XDH: variants seen among roughly 807,000 people sequenced by gnomAD.
XDH encodes the protein xanthine dehydrogenase, also known as xanthine dehydrogenase/oxidase.
A neutral mutation model predicts 156.1 loss-of-function variants in XDH; 138 were observed. The observed-to-expected ratio is 0.88, with a 90% CI of 0.77 to 1.02. XDH has a LOEUF of 1.02. Among genes scored for constraint, XDH ranks in the 50% least tolerant of loss-of-function variants. The probability of loss-of-function intolerance (pLI) is 0.00; values close to 1 mark genes in which losing one functional copy is unlikely to be tolerated. For synonymous variants in XDH, 669 were observed against 625.7 expected, an observed-to-expected ratio of 1.07 and a Z score of -1.03; for missense variants, 1,849 against 1,684.9, an observed-to-expected ratio of 1.10 and a Z score of -1.71.
Position 31,375,533 on chromosome 2 carries a change from C to T in XDH, c.1449G>A (p.Leu483=). The T allele has an allele frequency of 1.2e-6, 2 of 1,613,744 alleles. No individual in the cohort carries two copies. The highest frequency in any genetic ancestry group is 2.2e-5 in the South Asian group (2 of 91,074). The change falls in exon 15 of 36, where the codon CTG becomes CTA. Residue 483 remains leucine (L), a synonymous_variant. Coordinates refer to ENST00000379416, the MANE Select transcript of XDH (RefSeq NM_000379.4). ...QLSKLWKEEL[L]QDVCAGLAEE... ...CTGCCAGTCCTGCACACACGTCCTG[C>T]AGCAGCTCCTCCTTCCAGAGCCTGC... is the stretch of plus-strand genomic sequence containing the variant.
At position 31,390,830 on chromosome 2, in the gene XDH, T is replaced by C. The variant is rs1686741565; in HGVS notation, c.496-2535A>G. On this transcript the variant is annotated intron_variant, in intron 6 of 35. Coordinates refer to ENST00000379416, the MANE Select transcript of XDH (RefSeq NM_000379.4). ...TGGTGAGGTAGCTGTGCAGGTCTTT[T>C]ACCCATTTTTTAATTTAGTTGTTCA... 3.3e-5 allele frequency among the ~76,000 whole-genome samples: 5 copies of C among 152,364 alleles called. No homozygotes were observed. In the South Asian group the frequency reaches 1.0e-3, roughly 32 times the overall value.
In XDH at chr2:31,366,941, T is replaced by C. The variant is rs1685929995; in HGVS notation, c.2251A>G (p.Ile751Val). 1.2e-6 allele frequency: 2 copies of C among 1,614,256 alleles called. No individual in the cohort carries two copies. The highest frequency in any genetic ancestry group is 1.7e-6 in the Non-Finnish European group (2 of 1,180,040). Residue 751 changes from isoleucine to valine, a missense_variant, in exon 21 of 36, where the codon ATT (isoleucine) becomes GTT (valine). Physicochemically the swap from Ile to Val is conservative, Grantham distance 29. Coordinates refer to ENST00000379416, the MANE Select transcript of XDH (RefSeq NM_000379.4). ...EHFYLETHCT[I>V]AVPKGEAGEM... ...CCTGCCTCGCCTTTTGGAACAGCAA[T>C]GGTGCAGTGAGTCTCCAGGTAGAAG... is the stretch of plus-strand genomic sequence containing the variant.
At chr2:31,339,405 T>C in intron 34 of XDH, 84 bp downstream of exon 34, 6 of 1,568,882 alleles carry the variant, frequency 3.8e-6, no homozygotes, top group Non-Finnish European at 5.3e-6. Flanking sequence ...TCCCACCAGG[T>C]GGGTCACTGA....
At chr2:31,339,997 T>G (rs1685082068) in intron 33 of XDH, among the ~76,000 whole-genome samples, 1 of 152,212 alleles carries the variant, frequency 6.6e-6, no homozygotes, top group Admixed American at 6.5e-5. Flanking sequence ...GAGCCAAAGC[T>G]AAGAAGCAAG....
intron 3 of XDH, among the ~76,000 whole-genome samples, 187 bp from the exon 4 acceptor site, chr2:31,401,515 C>T (rs1204804702): frequency 6.6e-6 from 1 of 152,216 alleles, no homozygotes; most frequent in Non-Finnish European, 1.5e-5. Flanking sequence ...ACAAAGGAAG[C>T]TCTCCTTATA....
chr2:31,346,917 C>T, intron 29 of XDH, 74 bp from the exon 30 acceptor site: 1 of 1,592,158 alleles, frequency 6.3e-7, no homozygotes. Flanking sequence ...ACCCGAGGGC[C>T]CCAGCAAGGC....
At chr2:31,367,600 T>C (rs1558689247) in intron 20 of XDH, among the ~76,000 whole-genome samples, 1 of 152,022 alleles carries the variant, frequency 6.6e-6, no homozygotes, top group Non-Finnish European at 1.5e-5. Context: ...TAGTTGAAGA[T>C]GGGTAAGGAC....
In XDH at chr2:31,373,916, A is replaced by G. The variant is rs764170039; in HGVS notation, c.1643T>C (p.Leu548Ser). 2 of 1,613,910 alleles carry G rather than the reference A, an allele frequency of 1.2e-6. No individual in the cohort carries two copies. Among genetic ancestry groups the G allele is most frequent in the African/African-American group, 2.7e-5 (2 of 74,924 alleles). ...KLDPTFASATLLFQKDPPADV... is the reference protein window; with the variant it reads ...KLDPTFASATSLFQKDPPADV... ...GGCTGGGGGGTCTTTCTGAAACAGTAAAGTTGCACTGGCGAAAGTGGGGTC... is the reference window on the plus strand; with the variant it reads ...GGCTGGGGGGTCTTTCTGAAACAGTGAAGTTGCACTGGCGAAAGTGGGGTC... The change falls in exon 16 of 36, where the codon TTA becomes TCA. Residue 548 changes from leucine to serine, a missense_variant. Physicochemically the swap from Leu to Ser is moderately radical, Grantham distance 145. Transcript: ENST00000379416.
chr2:31,344,723 T>C lies in XDH; in HGVS notation c.3365A>G (p.Tyr1122Cys), dbSNP rs1685233892. The change falls in exon 31 of 36, where the codon TAC (tyrosine) becomes TGC (cysteine). Residue 1122 changes from tyrosine (Y) to cysteine (C), a missense_variant. Tyr to Cys is a radical substitution (Grantham distance 194, BLOSUM62 -2). Transcript: ENST00000379416. ...GSWEDWVTAAYMDTVSLSATG... is the reference protein window; with the variant it reads ...GSWEDWVTAACMDTVSLSATG... ...GGCAGACAAGCTCACTGTGTCCATG[T>C]AGGCAGCTGTGACCTGAGGAGAGGA... is the stretch of plus-strand genomic sequence containing the variant. The C allele has an allele frequency of 1.2e-6, 2 of 1,614,128 alleles. No homozygotes were observed. Among genetic ancestry groups the C allele is most frequent in the Non-Finnish European group, 1.7e-6 (2 of 1,180,006 alleles).
At chr2:31,354,831 G>A (rs1179021330) in intron 24 of XDH, among the ~76,000 whole-genome samples, 1 of 152,090 alleles carries the variant, frequency 6.6e-6, no homozygotes, top group East Asian at 1.9e-4. Flanking sequence ...TTGGAGATCT[G>A]GAAGAAAAGG....
In XDH at chr2:31,381,854, T is replaced by G. The variant is rs946408197; in HGVS notation, c.1039-128A>C. 226 of 797,590 alleles carry G rather than the reference T, an allele frequency of 2.8e-4. 1 individual carries two copies. In the African/African-American group the frequency reaches 2.9e-3, roughly 10 times the overall value. The allele number at this position is 797,590 out of a possible 1,614,324, so 49.4% of individuals were successfully genotyped here. On this transcript the variant is annotated intron_variant, in intron 11 of 35. Coordinates refer to ENST00000379416, the MANE Select transcript of XDH (RefSeq NM_000379.4). ...AACCCCTGAGGTCCTGTGCCTACTGTAGTCACAATACCAGCATAGTGAGAA... is the reference window on the plus strand; with the variant it reads ...AACCCCTGAGGTCCTGTGCCTACTGGAGTCACAATACCAGCATAGTGAGAA...
intron 14 of XDH, 31 bp from the exon 15 acceptor site, chr2:31,375,585 C>T: frequency 1.2e-6 from 2 of 1,607,716 alleles, no homozygotes; most frequent in Non-Finnish European, 1.7e-6. Flanking sequence ...GGACAGCGCT[C>T]CCGCCCAGCC....
intron 12 of XDH, among the ~76,000 whole-genome samples, 192 bp downstream of exon 12, chr2:31,381,441 A>T (rs546227826): frequency 7.7e-4 from 117 of 152,324 alleles, no homozygotes; most frequent in African/African-American, 2.7e-3. Flanking sequence ...CCTGCTGTGA[A>T]TTCTCTACAG....
At chr2:31,366,388 T>C (rs1192927147) in intron 21 of XDH, among the ~76,000 whole-genome samples, 1 of 152,084 alleles carries the variant, frequency 6.6e-6, no homozygotes, top group South Asian at 2.1e-4. Flanking sequence ...ATCATGAGAG[T>C]AGGACCAGCT....
chr2:31,345,063 G>A (rs207455), intron 30 of XDH, among the ~76,000 whole-genome samples: 141,697 of 152,232 alleles, frequency 0.93, 66,064 homozygotes, highest in African/African-American at 0.98. Flanking sequence ...CTTATTGCCT[G>A]TAGAGCAAAT....
chr2:31,398,531 G>A (rs753926021), intron 5 of XDH, 42 bp downstream of exon 5: 13 of 1,612,460 alleles, frequency 8.1e-6, no homozygotes, highest in South Asian at 5.5e-5. Context: ...GCAGGGCCTC[G>A]TTTGCCATTC....
rs575000307 is a variant in XDH at position 31,340,309 on chromosome 2, G to A, written c.3586-632C>T. Among the ~76,000 whole-genome samples, 118 of 152,262 alleles carry A rather than the reference G, an allele frequency of 7.7e-4. 2 individuals carry two copies. Among genetic ancestry groups the A allele is most frequent in the African/African-American group, 2.8e-3 (116 of 41,544 alleles). On this transcript the variant is annotated intron_variant, in intron 33 of 35. Transcript: ENST00000379416. The stretch of plus-strand genomic sequence containing the variant: ...TGGCCACAGTAGGGGACCATAAATG[G>A]TTGTTCAATGAATTAATGAACAGAT...
rs1208007501 is a variant in XDH, at chr2:31,335,145, A to T, written c.*813T>A. On this transcript the variant is annotated 3_prime_UTR_variant, in exon 36 of 36. Coordinates refer to ENST00000379416, the MANE Select transcript of XDH (RefSeq NM_000379.4). ...CTTAGCCTCCCAAAGTGCTGGGATT[A>T]TAGGGGTGAGCCACCATGCCAGGAC... 1 of 152,268 alleles carries T rather than the reference A, an allele frequency of 6.6e-6. No individual in the cohort carries two copies. The highest frequency in any genetic ancestry group is 1.5e-5 in the Non-Finnish European group (1 of 68,094). The allele number at this position is 152,268 out of a possible 1,614,324, so 9.4% of individuals were successfully genotyped here.
intron 31 of XDH, among the ~76,000 whole-genome samples, chr2:31,343,610 T>C (rs1370135392): frequency 1.6e-5 from 2 of 124,238 alleles, no homozygotes; most frequent in Non-Finnish European, 3.5e-5. Flanking sequence ...GCCATATGTA[T>C]GTTCATATAT....
Sources: allele counts gnomAD v4.1 joint callset (sites outside exome capture counted in the v4.1 genomes callset), GRCh38; gene constraint gnomAD v4.1.1; transcripts MANE v1.5; gene names NCBI Gene and HGNC (gene_info 2026-07-23, HGNC 2026-07-21).